Variants in GRID2 observed in about 807,000 individuals in gnomAD.
The protein encoded by GRID2 is glutamate receptor ionotropic, delta-2.
GRID2 carries 33 observed loss-of-function variants against 114.8 expected under a neutral mutation model. That is an observed-to-expected ratio of 0.29 (90% confidence interval 0.22 to 0.38). The LOEUF (loss-of-function observed/expected upper bound fraction) is 0.38, where lower values mean the gene tolerates loss of function less well. GRID2 is among the 10% of genes least tolerant of loss of function. The pLI is 1.00. For synonymous variants in GRID2, 505 were observed against 449.9 expected, an observed-to-expected ratio of 1.12 and a Z score of -1.55; for missense variants, 1,184 against 1,257.7, an observed-to-expected ratio of 0.94 and a Z score of 0.89.
At chr4:92,630,191 T>C (rs1011256516) in intron 2 of GRID2, among the ~76,000 whole-genome samples, 1 of 152,128 alleles carries the variant, frequency 6.6e-6, no homozygotes, top group Non-Finnish European at 1.5e-5. Flanking sequence ...GTAGCCGTTA[T>C]CTACTGCTCT....
At chr4:92,837,754 C>T (rs143166365) in intron 2 of GRID2, among the ~76,000 whole-genome samples, 68 of 152,094 alleles carry the variant, frequency 4.5e-4, no homozygotes, top group African/African-American at 1.4e-3. Context: ...TGGATTTGGA[C>T]TAGGATCTAT....
intron 11 of GRID2, among the ~76,000 whole-genome samples, chr4:93,463,847 G>T (rs1240940443): frequency 6.6e-6 from 1 of 152,042 alleles, no homozygotes; most frequent in African/African-American, 2.4e-5. Context: ...AAATTAGCCA[G>T]GCGTGGTGGC....
chr4:92,984,668 A>G (rs1754400874), intron 2 of GRID2, among the ~76,000 whole-genome samples: 1 of 152,178 alleles, frequency 6.6e-6, no homozygotes, highest in Non-Finnish European at 1.5e-5. Context: ...CCATTAGCTA[A>G]ACTAAAGACT....
chr4:92,384,235 T>C (rs1729760100), intron 1 of GRID2, among the ~76,000 whole-genome samples: 1 of 150,232 alleles, frequency 6.7e-6, no homozygotes, highest in South Asian at 2.1e-4. Flanking sequence ...TTCTTTTGTT[T>C]ACTGCTGTAT....
chr4:93,759,433 T>G (rs1217005383), intron 14 of GRID2, among the ~76,000 whole-genome samples: 2 of 152,182 alleles, frequency 1.3e-5, no homozygotes, highest in East Asian at 3.8e-4. Context: ...AACATAAATG[T>G]TGTTCTAAAT....
rs896406517 is a variant in GRID2 at position 92,617,809 on chromosome 4, T to G, written c.244+27523T>G. 1.3e-5 allele frequency among the ~76,000 whole-genome samples: 2 copies of G among 151,942 alleles called. 1 individual carries two copies. The highest frequency in any genetic ancestry group is 4.1e-4 in the South Asian group (2 of 4,824). On this transcript the variant is annotated intron_variant, in intron 2 of 15. Transcript: ENST00000282020. Reference sequence around the variant, plus strand: ...TTGCTAGACATTTATATGTCTTCTTTGAAGAAATGTCTATTGAGGTCATTT... The same window carrying G: ...TTGCTAGACATTTATATGTCTTCTTGGAAGAAATGTCTATTGAGGTCATTT...
chr4:92,444,048 C>A (rs1733292663), intron 1 of GRID2, among the ~76,000 whole-genome samples: 1 of 152,146 alleles, frequency 6.6e-6, no homozygotes. Context: ...TCAGAAGAGG[C>A]CGCTTAACTG....
chr4:93,155,492 A>G (rs1737093344), intron 4 of GRID2, among the ~76,000 whole-genome samples: 1 of 151,970 alleles, frequency 6.6e-6, no homozygotes, highest in Non-Finnish European at 1.5e-5. Flanking sequence ...ACTGCACTTA[A>G]CAAATTTTAT....
intron 4 of GRID2, among the ~76,000 whole-genome samples, chr4:93,111,697 A>G (rs1732776738): frequency 6.6e-6 from 1 of 150,422 alleles, no homozygotes; most frequent in South Asian, 2.1e-4. Context: ...AAACTTTCAC[A>G]TGGAATTTTT....
intron 2 of GRID2, among the ~76,000 whole-genome samples, chr4:92,782,434 G>A (rs916142095): frequency 6.6e-6 from 1 of 151,976 alleles, no homozygotes; most frequent in Non-Finnish European, 1.5e-5. Flanking sequence ...CTATCCATGT[G>A]TTTCTTTATA....
At chr4:92,920,165 G>C (rs914880740) in intron 2 of GRID2, among the ~76,000 whole-genome samples, 25 of 152,224 alleles carry the variant, frequency 1.6e-4, no homozygotes, top group African/African-American at 6.0e-4. Context: ...GACTAGGACT[G>C]CAACCCTTGC....
rs1579341855 is a variant in GRID2, at chr4:92,428,184, C to A, written c.88+123440C>A. ...GGCTGAGGCAGGAGAATGGCATGAA[C>A]CCGGGAGGCGGAGCTTGCAGTGAGC... On this transcript the variant is annotated intron_variant, in intron 1 of 15. Transcript: ENST00000282020. Among the ~76,000 whole-genome samples the A allele has an allele frequency of 7.2e-5, 11 of 152,142 alleles. 1 individual carries two copies. Among genetic ancestry groups the A allele is most frequent in the Admixed American group, 7.2e-4 (11 of 15,252 alleles).
intron 2 of GRID2, among the ~76,000 whole-genome samples, chr4:92,827,369 T>C (rs1357283676): frequency 6.9e-6 from 1 of 144,776 alleles, no homozygotes; most frequent in Non-Finnish European, 1.5e-5. Context: ...GAAAACTCAA[T>C]ACTTTTTAGC....
At chr4:93,147,582 G>C (rs550650462) in intron 4 of GRID2, among the ~76,000 whole-genome samples, 1 of 152,166 alleles carries the variant, frequency 6.6e-6, no homozygotes, top group South Asian at 2.1e-4. Flanking sequence ...GGAGGGAAGA[G>C]AGGACATTAA....
At position 93,241,148 on chromosome 4, in the gene GRID2, A is replaced by C. The variant is rs1390993305; in HGVS notation, c.1245+2658A>C. ...TATAAATATAATATGGTATCTTCTA[A>C]ATGTCATTTTCTGTTTGCTGCTGTA... On this transcript the variant is annotated intron_variant, in intron 8 of 15. Transcript: ENST00000282020. Among the ~76,000 whole-genome samples, 3 of 151,654 alleles carry C rather than the reference A, an allele frequency of 2.0e-5. No individual in the cohort carries two copies. The East Asian group carries it at 5.8e-4, about 29-fold the overall frequency.
At chr4:93,510,277 C>T (rs535102977) in intron 12 of GRID2, among the ~76,000 whole-genome samples, 22 of 151,842 alleles carry the variant, frequency 1.4e-4, no homozygotes, top group Admixed American at 9.2e-4. Flanking sequence ...TATTGATGAG[C>T]GTTCTACACA....
chr4:93,516,886 T>C (rs1269853019), intron 13 of GRID2, among the ~76,000 whole-genome samples: 1 of 152,176 alleles, frequency 6.6e-6, no homozygotes, highest in East Asian at 1.9e-4. Flanking sequence ...TTCATATTTC[T>C]ATTCCATTTT....
At chr4:92,692,755 G>A (rs1423988268) in intron 2 of GRID2, among the ~76,000 whole-genome samples, 2 of 152,106 alleles carry the variant, frequency 1.3e-5, no homozygotes, top group African/African-American at 4.8e-5. Context: ...AGACACAGTG[G>A]CTCACACCTG....
chr4:93,689,824 A>C (rs1726388355), intron 14 of GRID2, among the ~76,000 whole-genome samples: 1 of 152,092 alleles, frequency 6.6e-6, no homozygotes, highest in South Asian at 2.1e-4. Context: ...ATTTCATTTA[A>C]AATATTCAAA....
Sources: gnomAD v4.1 joint callset for allele counts (sites outside exome capture counted in the v4.1 genomes callset) on GRCh38, gnomAD v4.1.1 for gene constraint, MANE v1.5 for transcripts, NCBI Gene and HGNC (gene_info 2026-07-23, HGNC 2026-07-21) for gene names.